GNAI1: variants seen among roughly 807,000 people sequenced by gnomAD.
GNAI1 encodes the protein guanine nucleotide-binding protein G(i) subunit alpha-1.
In GNAI1, 11 loss-of-function variants were observed where a neutral mutation model predicts 38.9. The observed-to-expected ratio is 0.28, with a 90% CI of 0.18 to 0.47. The LOEUF (loss-of-function observed/expected upper bound fraction) is 0.47, where lower values mean the gene tolerates loss of function less well. GNAI1 is among the 20% of genes least tolerant of loss of function. The probability of loss-of-function intolerance (pLI) is 0.99; values close to 1 mark genes in which losing one functional copy is unlikely to be tolerated. For synonymous variants in GNAI1, 166 were observed against 145.1 expected (o/e 1.14, Z -1.04); for missense variants, 317 against 436.9 (o/e 0.73, Z 2.45).
intron 1 of GNAI1, among the ~76,000 whole-genome samples, chr7:80,157,749 A>G (rs1454672205): frequency 6.6e-6 from 1 of 152,074 alleles, no homozygotes; most frequent in Admixed American, 6.5e-5. Flanking sequence ...TCTGTCACCC[A>G]AGCTGCAAAT....
chr7:80,170,272 T>G (rs753159360), intron 1 of GNAI1, among the ~76,000 whole-genome samples: 7 of 152,190 alleles, frequency 4.6e-5, no homozygotes, highest in Non-Finnish European at 7.3e-5. Flanking sequence ...GTATGAAGAT[T>G]CCATAATTCT....
chr7:80,179,104 A>C (rs930996161), intron 1 of GNAI1, among the ~76,000 whole-genome samples: 2 of 152,172 alleles, frequency 1.3e-5, no homozygotes, highest in African/African-American at 4.8e-5. Flanking sequence ...TTGTCTTACT[A>C]TTTTGGGGAG....
chr7:80,222,465 G>A lies in GNAI1; in HGVS notation c.*4972G>A, dbSNP rs1171975097. Among the ~76,000 whole-genome samples, 7 of 145,164 alleles carry A rather than the reference G, an allele frequency of 4.8e-5. No individual in the cohort carries two copies. The highest frequency in any genetic ancestry group is 1.8e-4 in the African/African-American group (7 of 38,668). On this transcript the variant is annotated 3_prime_UTR_variant, in exon 8 of 8. Coordinates refer to ENST00000649796, the MANE Select transcript of GNAI1 (RefSeq NM_002069.6). ...CGCAATGGTGCGATCTCGGCTCACCGCAACATCCGCCTCCCGGGTACAAGC... is the reference window on the plus strand; with the variant it reads ...CGCAATGGTGCGATCTCGGCTCACCACAACATCCGCCTCCCGGGTACAAGC...
At chr7:80,158,157 G>T (rs1787851975) in intron 1 of GNAI1, among the ~76,000 whole-genome samples, 1 of 152,190 alleles carries the variant, frequency 6.6e-6, no homozygotes. Context: ...CGAACAAGCA[G>T]TGTCAGTACT....
intron 1 of GNAI1, among the ~76,000 whole-genome samples, chr7:80,167,581 C>T (rs925424370): frequency 6.6e-6 from 1 of 152,074 alleles, no homozygotes; most frequent in Admixed American, 6.6e-5. Flanking sequence ...TGCCCATCTG[C>T]AATATATTAG....
At position 80,166,244 on chromosome 7, in the gene GNAI1, A is replaced by T. The variant is rs571770893; in HGVS notation, c.119-22707A>T. Among the ~76,000 whole-genome samples the T allele has an allele frequency of 1.9e-4, 29 of 152,304 alleles. No individual in the cohort carries two copies. The South Asian group carries it at 4.1e-3, about 22-fold the overall frequency. ...AGGACAAAAATATTTCATTCTTTGC[A>T]CTGGGGAATCTTTCATCCTTGTATT... On this transcript the variant is annotated intron_variant, in intron 1 of 7. Coordinates refer to ENST00000649796, the MANE Select transcript of GNAI1 (RefSeq NM_002069.6).
At chr7:80,194,443 A>G (rs939161995) in intron 3 of GNAI1, among the ~76,000 whole-genome samples, 4 of 152,114 alleles carry the variant, frequency 2.6e-5, no homozygotes, top group Non-Finnish European at 5.9e-5. Flanking sequence ...TTATGGTAAT[A>G]TTGTATTTTA....
intron 5 of GNAI1, among the ~76,000 whole-genome samples, chr7:80,207,457 T>A (rs917862872): frequency 6.6e-6 from 1 of 152,094 alleles, no homozygotes; most frequent in Non-Finnish European, 1.5e-5. Flanking sequence ...TTAGGCTTCT[T>A]GGTTGAGGTT....
intron 1 of GNAI1, among the ~76,000 whole-genome samples, chr7:80,154,380 T>C (rs935597375): frequency 2.0e-5 from 3 of 152,244 alleles, no homozygotes; most frequent in Non-Finnish European, 2.9e-5. Flanking sequence ...TTGTACTTGG[T>C]GTAGTTATGA....
At position 80,135,080 on chromosome 7, in the gene GNAI1, GGA is replaced by G. The variant is rs1035917281; in HGVS notation, c.-74_-73del. The stretch of plus-strand genomic sequence containing the variant: ...TCGGGAGGCGTTCGAACGCCCGCTA[GGA>G]GAGAGAAAGGATTCCCCTGTGCTTG... On this transcript the variant is annotated 5_prime_UTR_variant, in exon 1 of 8. Transcript: ENST00000649796. The G allele has an allele frequency of 5.2e-6, 5 of 955,868 alleles. No homozygotes were observed. The East Asian group carries it at 1.5e-4, about 29-fold the overall frequency. 59.2% of individuals were successfully genotyped at this position (955,868 alleles called of 1,614,324 possible).
chr7:80,152,709 T>C (rs1409926006), intron 1 of GNAI1, among the ~76,000 whole-genome samples: 7 of 151,786 alleles, frequency 4.6e-5, no homozygotes, highest in Admixed American at 6.6e-5. Flanking sequence ...TACAGGCGCC[T>C]GCCACCATGC....
chr7:80,223,748 G>T lies in GNAI1; in HGVS notation c.*6255G>T, dbSNP rs1789116985. 6.6e-6 allele frequency among the ~76,000 whole-genome samples: 1 copy of T among 152,112 alleles called. No homozygotes were observed. ...ACCTTTCCGTTTTAAGTGACCAATT[G>T]TCCTAGCAATCTACTTCACAAGGCA... On this transcript the variant is annotated 3_prime_UTR_variant, in exon 8 of 8. Coordinates refer to ENST00000649796, the MANE Select transcript of GNAI1 (RefSeq NM_002069.6).
Position 80,223,148 on chromosome 7 carries a change from C to T in GNAI1, c.*5655C>T, listed in dbSNP as rs1314790874. Among the ~76,000 whole-genome samples, 2 of 152,198 alleles carry T rather than the reference C, an allele frequency of 1.3e-5. No individual in the cohort carries two copies. The highest frequency in any genetic ancestry group is 6.5e-5 in the Admixed American group (1 of 15,286). On this transcript the variant is annotated 3_prime_UTR_variant, in exon 8 of 8. Transcript: ENST00000649796. The stretch of plus-strand genomic sequence containing the variant: ...TTGAAAAATTGTTAAGTTGGACCAT[C>T]ATACGTTGGGGACCATCTGTACATA...
At chr7:80,177,348 G>A (rs948429154) in intron 1 of GNAI1, among the ~76,000 whole-genome samples, 5 of 152,122 alleles carry the variant, frequency 3.3e-5, no homozygotes, top group Admixed American at 2.6e-4. Flanking sequence ...TTTTTAGAGC[G>A]TGGTTTTCCT....
chr7:80,184,922 G>A (rs866756275), intron 1 of GNAI1, among the ~76,000 whole-genome samples: 1 of 152,184 alleles, frequency 6.6e-6, no homozygotes, highest in Admixed American at 6.5e-5. Flanking sequence ...TTAGTTGACT[G>A]ATAGTTCCTG....
At chr7:80,208,188 T>C (rs1788809948) in intron 5 of GNAI1, among the ~76,000 whole-genome samples, 1 of 152,114 alleles carries the variant, frequency 6.6e-6, no homozygotes, top group Non-Finnish European at 1.5e-5. Flanking sequence ...CTAAGAAAAC[T>C]CAAATTCATT....
At chr7:80,157,288 ATT>A (rs1202244068) in intron 1 of GNAI1, among the ~76,000 whole-genome samples, 2 of 152,136 alleles carry the variant, frequency 1.3e-5, no homozygotes, top group African/African-American at 4.8e-5. Context: ...TTGATTATTT[ATT>A]TTTAGAGCTG....
At chr7:80,209,458 G>A (rs1281368741) in intron 5 of GNAI1, among the ~76,000 whole-genome samples, 1 of 152,094 alleles carries the variant, frequency 6.6e-6, no homozygotes, top group Non-Finnish European at 1.5e-5. Flanking sequence ...GTATTATTAA[G>A]GATAGTCTCC....
intron 1 of GNAI1, among the ~76,000 whole-genome samples, chr7:80,157,853 C>G (rs1244070963): frequency 6.6e-6 from 1 of 152,044 alleles, no homozygotes; most frequent in Non-Finnish European, 1.5e-5. Context: ...ATTACAGACA[C>G]TCACCAAAAC....
Sources: allele counts gnomAD v4.1 joint callset (sites outside exome capture counted in the v4.1 genomes callset), GRCh38; gene constraint gnomAD v4.1.1; transcripts MANE v1.5; gene names NCBI Gene and HGNC (gene_info 2026-07-23, HGNC 2026-07-21).